Variants in PIK3C2G observed in about 807,000 individuals in gnomAD.
PIK3C2G encodes phosphatidylinositol 3-kinase C2 domain-containing subunit gamma.
Under a neutral mutation model 181.1 loss-of-function variants are expected in PIK3C2G, and 168 were observed. The observed-to-expected ratio is 0.93, with a 90% CI of 0.82 to 1.05. The LOEUF (loss-of-function observed/expected upper bound fraction) is 1.05, where lower values mean the gene tolerates loss of function less well. Among genes scored for constraint, PIK3C2G ranks in the 50% least tolerant of loss-of-function variants. The pLI is 0.00. For missense variants in PIK3C2G, 1,869 were observed against 1,732.8 expected, an observed-to-expected ratio of 1.08 and a Z score of -1.40; for synonymous variants, 573 against 592.2, an observed-to-expected ratio of 0.97 and a Z score of 0.47.
downstream of PIK3C2G, among the ~76,000 whole-genome samples, chr12:18,650,965 A>T (rs564567724): frequency 6.6e-6 from 1 of 151,676 alleles, no homozygotes; most frequent in East Asian, 2.0e-4. Flanking sequence ...TTCTCAACAC[A>T]GCAATGGGAA....
chr12:18,371,319 T>TA lies in PIK3C2G; in HGVS notation c.1880+9dup. 6.2e-7 allele frequency: 1 copy of TA among 1,600,024 alleles called. No individual in the cohort carries two copies. The highest frequency in any genetic ancestry group is 1.1e-5 in the South Asian group (1 of 87,710). ...TCCACTGTTTCCAAAAGAGTAAGTG[T>TA]ATCAATTGTGAGTAATAAGCCTATC... is the stretch of plus-strand genomic sequence containing the variant. On this transcript the variant is annotated intron_variant, in intron 13 of 32. Transcript: ENST00000538779.
intron 16 of PIK3C2G, among the ~76,000 whole-genome samples, chr12:18,413,807 G>T (rs1592197807): frequency 6.6e-6 from 1 of 152,066 alleles, no homozygotes; most frequent in Non-Finnish European, 1.5e-5. Context: ...GGATAACCTG[G>T]CTTGTGGAAA....
At chr12:18,435,081 A>G (rs4335599) in intron 18 of PIK3C2G, among the ~76,000 whole-genome samples, 17,035 of 151,814 alleles carry the variant, frequency 0.11, 967 homozygotes, top group East Asian at 0.13. Flanking sequence ...TCAAAACTGA[A>G]TTCAATATTC....
At chr12:18,703,039 C>T in the PIK3C2G span, among the ~76,000 whole-genome samples, 1 of 151,998 alleles carries the variant, frequency 6.6e-6, no homozygotes, top group Admixed American at 6.6e-5. Flanking sequence ...TGAATGAAAG[C>T]TATGTACGGG....
intron 16 of PIK3C2G, among the ~76,000 whole-genome samples, chr12:18,407,183 G>A (rs1944585463): frequency 2.0e-5 from 3 of 151,956 alleles, no homozygotes; most frequent in Non-Finnish European, 1.5e-5. Context: ...AGAATTTTCA[G>A]CTTTCAGATT....
At chr12:18,266,938 T>C (rs1217604983) in intron 1 of PIK3C2G, among the ~76,000 whole-genome samples, 4 of 152,228 alleles carry the variant, frequency 2.6e-5, no homozygotes, top group East Asian at 1.9e-4. Flanking sequence ...TATGTATATA[T>C]GTACCATATA....
In PIK3C2G at chr12:18,594,533, CAACA is replaced by C. The variant is rs764738469; in HGVS notation, c.4056_4059del (p.Thr1353LeufsTer9). 2 of 1,553,030 alleles carry C rather than the reference CAACA, an allele frequency of 1.3e-6. No homozygotes were observed. The highest frequency in any genetic ancestry group is 1.7e-6 in the Non-Finnish European group (2 of 1,155,314). ...TAGCTTTTTCCTCTCTGAGGCTGTG[CAACA>C]AACAGTTGAAGAATCATCACCTGTG... On this transcript the variant is annotated frameshift_variant, in exon 30 of 33. Coordinates refer to ENST00000538779, the MANE Select transcript of PIK3C2G (RefSeq NM_001288772.2). LOFTEE classifies it high-confidence loss of function.
At chr12:18,347,825 A>G (rs1352167526) in intron 11 of PIK3C2G, among the ~76,000 whole-genome samples, 1 of 152,070 alleles carries the variant, frequency 6.6e-6, no homozygotes, top group African/African-American at 2.4e-5. Flanking sequence ...CTCAAAAAAA[A>G]AGAAAAAAAA....
intron 1 of PIK3C2G, among the ~76,000 whole-genome samples, chr12:18,266,013 TAAAAAAAAAAAAA>T (rs61315448): frequency 6.5e-5 from 4 of 61,768 alleles, no homozygotes; most frequent in East Asian, 5.6e-4. Flanking sequence ...AGACTTCATC[TAAAAAAAAAAAAA>T]AAAAAAAAAA....
At chr12:18,616,600 A>G (rs565905380) in intron 31 of PIK3C2G, among the ~76,000 whole-genome samples, 2 of 152,226 alleles carry the variant, frequency 1.3e-5, no homozygotes, top group East Asian at 1.9e-4. Flanking sequence ...TGACATAGCC[A>G]TCAATGGATA....
intron 1 of PIK3C2G, among the ~76,000 whole-genome samples, chr12:18,251,314 GT>G (rs1807973355): frequency 6.6e-6 from 1 of 151,960 alleles, no homozygotes; most frequent in African/African-American, 2.4e-5. Flanking sequence ...TCAACTTACA[GT>G]TTTTGGAAGA....
At chr12:18,627,207 A>T (rs996921187) in intron 31 of PIK3C2G, among the ~76,000 whole-genome samples, 12 of 151,686 alleles carry the variant, frequency 7.9e-5, no homozygotes, top group African/African-American at 2.9e-4. Context: ...CTTCTTCTCT[A>T]TGATTTATTT....
chr12:18,306,065 T>TA (rs552469923), intron 5 of PIK3C2G, among the ~76,000 whole-genome samples: 12 of 151,128 alleles, frequency 7.9e-5, no homozygotes, highest in Non-Finnish European at 1.0e-4. Context: ...TTTTCCAGAT[T>TA]AAAAAAAAAC....
chr12:18,639,869 T>C (rs1356073546), intron 31 of PIK3C2G, among the ~76,000 whole-genome samples: 2 of 152,094 alleles, frequency 1.3e-5, no homozygotes, highest in Non-Finnish European at 2.9e-5. Context: ...CAACATAATT[T>C]AGAGTACTTT....
At chr12:18,250,632 C>T (rs78168160) in intron 1 of PIK3C2G, among the ~76,000 whole-genome samples, 1 of 152,028 alleles carries the variant, frequency 6.6e-6, no homozygotes, top group Non-Finnish European at 1.5e-5. Flanking sequence ...TGCCCTACTG[C>T]CCTTTCCTTG....
chr12:18,346,881 G>C (rs776096283), intron 11 of PIK3C2G, 45 bp downstream of exon 11: 3 of 1,282,026 alleles, frequency 2.3e-6, no homozygotes, highest in Non-Finnish European at 3.2e-6. Flanking sequence ...TTTTTACATA[G>C]CTTCTAAGTA....
intron 31 of PIK3C2G, among the ~76,000 whole-genome samples, chr12:18,619,220 A>G (rs575754898): frequency 1.3e-5 from 2 of 152,174 alleles, no homozygotes; most frequent in Non-Finnish European, 2.9e-5. Flanking sequence ...TCTGGAGACT[A>G]TGGAGAAACA....
chr12:18,636,383 C>A (rs1949604087), intron 31 of PIK3C2G, among the ~76,000 whole-genome samples: 1 of 152,140 alleles, frequency 6.6e-6, no homozygotes. Flanking sequence ...AAGGCACGTG[C>A]CACCATGTCC....
intron 27 of PIK3C2G, among the ~76,000 whole-genome samples, 171 bp from the exon 28 acceptor site, chr12:18,563,206 T>C (rs1343391723): frequency 6.6e-6 from 1 of 152,208 alleles, no homozygotes. Context: ...TGTGATACTC[T>C]TAGATATTAT....
Sources: gnomAD v4.1 joint callset for allele counts (sites outside exome capture counted in the v4.1 genomes callset) on GRCh38, gnomAD v4.1.1 for gene constraint, MANE v1.5 for transcripts, NCBI Gene and HGNC (gene_info 2026-07-23, HGNC 2026-07-21) for gene names.